The following GIPR variants were observed in gnomAD, a reference collection of about 807,000 sequenced individuals.
GIPR encodes the protein gastric inhibitory polypeptide receptor.
Under a neutral mutation model 62.2 loss-of-function variants are expected in GIPR, and 74 were observed. The observed-to-expected ratio is 1.19, with a 90% CI of 0.99 to 1.44. The LOEUF is 1.44. Among genes scored for constraint, GIPR ranks in the 40% most tolerant of loss-of-function variants. The pLI, the probability that GIPR is intolerant of heterozygous loss-of-function variation, is 0.00. For missense variants in GIPR, 664 were observed against 611.8 expected (o/e 1.09, Z -0.90); for synonymous variants, 256 against 262.2 (o/e 0.98, Z 0.23).
intron 3 of GIPR, 125 bp from the exon 4 acceptor site, chr19:45,671,160 G>A: frequency 1.4e-6 from 1 of 734,288 alleles, no homozygotes; most frequent in Non-Finnish European, 2.5e-6. Flanking sequence ...CTAGAGCCGG[G>A]CTTGGTGTGG....
At chr19:45,676,742 A>G (rs558544692) in intron 7 of GIPR, among the ~76,000 whole-genome samples, 1 of 152,046 alleles carries the variant, frequency 6.6e-6, no homozygotes, top group Non-Finnish European at 1.5e-5. Flanking sequence ...CCAGATACCA[A>G]TTGTTAAGGG....
rs1975745844 is a variant in GIPR, at chr19:45,674,799, G to A, written c.606G>A (p.Gly202=). The change falls in exon 7 of 14, where the codon GGG becomes GGA. Residue 202 remains glycine, a synonymous_variant. Coordinates refer to ENST00000590918, the MANE Select transcript of GIPR (RefSeq NM_000164.4). ...TACCTCGACCTGGCCCCTACCTTGG[G>A]GACCAGGCCCTTGCGCTGTGGAACC... ...RLLPRPGPYL[G]DQALALWNQA... 2 of 1,613,932 alleles carry A rather than the reference G, an allele frequency of 1.2e-6. No individual in the cohort carries two copies. Among genetic ancestry groups the A allele is most frequent in the African/African-American group, 1.3e-5 (1 of 74,984 alleles).
At chr19:45,668,631 G>A (rs1349268310) in intron 1 of GIPR, among the ~76,000 whole-genome samples, 1 of 152,108 alleles carries the variant, frequency 6.6e-6, no homozygotes, top group African/African-American at 2.4e-5. Context: ...GCGCCTCTCA[G>A]TCTTTACATT....
At chr19:45,671,490 C>A in intron 4 of GIPR, 98 bp downstream of exon 4, 1 of 783,024 alleles carries the variant, frequency 1.3e-6, no homozygotes, top group Non-Finnish European at 2.3e-6. Flanking sequence ...CTCACCTGCA[C>A]CCCTCTCCTG....
intron 2 of GIPR, 91 bp downstream of exon 2, chr19:45,669,683 C>A: frequency 1.3e-6 from 2 of 1,497,226 alleles, no homozygotes; most frequent in Non-Finnish European, 1.8e-6. Context: ...CTGTCGCTCA[C>A]GCCTGTAATC....
At chr19:45,676,197 C>T (rs1394215059) in intron 7 of GIPR, among the ~76,000 whole-genome samples, 2 of 113,362 alleles carry the variant, frequency 1.8e-5, no homozygotes, top group African/African-American at 3.6e-5. Context: ...AGCAAGGCTC[C>T]GTCTAAAAAA....
intron 7 of GIPR, chr19:45,675,130 C>T (rs1314656734): frequency 7.9e-6 from 3 of 377,442 alleles, no homozygotes; most frequent in Non-Finnish European, 1.6e-5. Context: ...CACCTGCTGG[C>T]GGTGAGGCAT....
chr19:45,682,115 C>A lies in GIPR; in HGVS notation c.*180C>A. The A allele has an allele frequency of 1.6e-6, 1 of 645,046 alleles. No homozygotes were observed. 40.0% of individuals were successfully genotyped at this position (645,046 alleles called of 1,614,324 possible). On this transcript the variant is annotated 3_prime_UTR_variant, in exon 14 of 14. Transcript: ENST00000590918. ...CGTGAACACAAAACATCAAGTTCCA[C>A]ACACGCTATGGAATGGTTATGAAGG...
chr19:45,679,387 T>A (rs1319679271), intron 12 of GIPR, among the ~76,000 whole-genome samples: 2 of 149,876 alleles, frequency 1.3e-5, no homozygotes, highest in African/African-American at 2.5e-5. Context: ...GAGGCTGAGG[T>A]CGGAGAATCG....
intron 2 of GIPR, chr19:45,670,424 T>C (rs1404872053): frequency 1.8e-5 from 8 of 453,564 alleles, no homozygotes; most frequent in Non-Finnish European, 3.2e-5. Context: ...CCAATTTTCT[T>C]GAAGGTTTTC....
intron 5 of GIPR, among the ~76,000 whole-genome samples, chr19:45,673,202 T>G (rs915453775): frequency 6.7e-6 from 1 of 150,052 alleles, no homozygotes; most frequent in Non-Finnish European, 1.5e-5. Flanking sequence ...GGTGGATCAC[T>G]TGAGGTCAGG....
chr19:45,674,426 A>C (rs745503731), intron 6 of GIPR: 2 of 630,266 alleles, frequency 3.2e-6, no homozygotes, highest in East Asian at 2.7e-5. Context: ...TGGGCAATAT[A>C]GTGAAACCTT....
At chr19:45,670,175 C>G (rs1008495071) in intron 2 of GIPR, 15 of 156,192 alleles carry the variant, frequency 9.6e-5, no homozygotes, top group Admixed American at 2.6e-4. Flanking sequence ...GGACTACAGG[C>G]GCACTCCACC....
chr19:45,671,185 C>G, intron 3 of GIPR, 100 bp from the exon 4 acceptor site: 1 of 780,442 alleles, frequency 1.3e-6, no homozygotes, highest in South Asian at 1.4e-5. Flanking sequence ...CGGAGAAGCA[C>G]TTGGCCCACT....
chr19:45,669,455 AC>A, intron 1 of GIPR, 21 bp from the exon 2 acceptor site: 1 of 1,538,770 alleles, frequency 6.5e-7, no homozygotes, highest in South Asian at 1.2e-5. Flanking sequence ...AGAGGTGCTG[AC>A]CTTGCCCTGG....
In GIPR at chr19:45,677,696, T is replaced by TC. The variant is rs1322310378; in HGVS notation, c.855-12dup. 6.2e-7 allele frequency: 1 copy of TC among 1,607,672 alleles called. No individual in the cohort carries two copies. The highest frequency in any genetic ancestry group is 2.2e-5 in the East Asian group (1 of 44,800). ...GAGTTTTTCTATCTCTTAGCTCTAC[T>TC]CCGCCTTCCCCAGGTGCTGGGAGCG... On this transcript the variant is annotated splice_polypyrimidine_tract_variant and intron_variant, in intron 9 of 13. Coordinates refer to ENST00000590918, the MANE Select transcript of GIPR (RefSeq NM_000164.4).
chr19:45,675,889 C>CA (rs1975825085), intron 7 of GIPR, among the ~76,000 whole-genome samples: 1 of 150,976 alleles, frequency 6.6e-6, no homozygotes, highest in African/African-American at 2.4e-5. Flanking sequence ...GACCCTGTTT[C>CA]AAAAAAATAA....
At chr19:45,676,426 A>ATTTTTTTTTT (rs869190523) in intron 7 of GIPR, among the ~76,000 whole-genome samples, 1 of 73,716 alleles carries the variant, frequency 1.4e-5, no homozygotes, top group African/African-American at 5.7e-5. Flanking sequence ...AAAGAAGCTG[A>ATTTTTTTTTT]TTTTTTTTTT....
At chr19:45,669,205 C>CT (rs1975408151) in intron 1 of GIPR, among the ~76,000 whole-genome samples, 2 of 152,156 alleles carry the variant, frequency 1.3e-5, no homozygotes. Context: ...ACACCCCCCC[C>CT]TTCCACCTTT....
Sources: gnomAD v4.1 joint callset for allele counts (sites outside exome capture counted in the v4.1 genomes callset) on GRCh38, gnomAD v4.1.1 for gene constraint, MANE v1.5 for transcripts, NCBI Gene and HGNC (gene_info 2026-07-23, HGNC 2026-07-21) for gene names.